Variants in METTL15 observed in about 807,000 individuals in gnomAD.
The protein encoded by METTL15 is methyltransferase 15, mitochondrial 12S rRNA N4-cytidine.
A neutral mutation model predicts 38.3 loss-of-function variants in METTL15; 34 were observed. That is an observed-to-expected ratio of 0.89 (90% CI 0.68 to 1.18). METTL15 has a LOEUF of 1.18. Among genes scored for constraint, METTL15 ranks in the 50% most tolerant of loss-of-function variants. The probability of loss-of-function intolerance (pLI) is 0.00; values close to 1 mark genes in which losing one functional copy is unlikely to be tolerated. For missense variants in METTL15, 438 were observed against 498.4 expected (o/e 0.88, Z 1.15); for synonymous variants, 162 against 170.9 (o/e 0.95, Z 0.41).
At chr11:28,247,817 A>C (rs1047178322) in intron 4 of METTL15, among the ~76,000 whole-genome samples, 16 of 152,090 alleles carry the variant, frequency 1.1e-4, no homozygotes, top group Admixed American at 2.0e-4. Flanking sequence ...TTTATTTTCA[A>C]ATCATTTACT....
chr11:28,258,772 A>G (rs1261390205), intron 4 of METTL15, among the ~76,000 whole-genome samples: 1 of 152,112 alleles, frequency 6.6e-6, no homozygotes, highest in Non-Finnish European at 1.5e-5. Flanking sequence ...CCTTGAGGGC[A>G]GTGGACTCCC....
intron 6 of METTL15, among the ~76,000 whole-genome samples, chr11:28,517,947 T>C (rs1851732853): frequency 6.6e-6 from 1 of 152,220 alleles, no homozygotes; most frequent in East Asian, 1.9e-4. Flanking sequence ...AAACAATCTT[T>C]ACTTAACCCA....
At chr11:28,272,386 C>T (rs1468649010) in intron 4 of METTL15, among the ~76,000 whole-genome samples, 1 of 152,066 alleles carries the variant, frequency 6.6e-6, no homozygotes, top group Non-Finnish European at 1.5e-5. Context: ...TACTATGCAG[C>T]CATAAAAAAG....
chr11:28,279,771 G>C (rs996764723), intron 4 of METTL15, among the ~76,000 whole-genome samples: 2 of 152,060 alleles, frequency 1.3e-5, no homozygotes, highest in Non-Finnish European at 1.5e-5. Flanking sequence ...ATCATGGCTT[G>C]TGCCTGTAAT....
At chr11:28,321,419 A>G (rs1849463752) in intron 6 of METTL15, among the ~76,000 whole-genome samples, 1 of 152,142 alleles carries the variant, frequency 6.6e-6, no homozygotes. Context: ...GAAGTATTAT[A>G]ATTTTTTATG....
intron 5 of METTL15, among the ~76,000 whole-genome samples, chr11:28,377,712 T>A (rs1850333344): frequency 6.6e-6 from 1 of 152,244 alleles, no homozygotes; most frequent in Admixed American, 6.5e-5. Flanking sequence ...GGAGCTGCAT[T>A]CCTTTGGATG....
rs370673236 is a variant in METTL15, at chr11:28,441,612, C to T, written c.*424+17248C>T. 6.6e-5 allele frequency among the ~76,000 whole-genome samples: 10 copies of T among 152,246 alleles called. No individual in the cohort carries two copies. In the South Asian group the frequency reaches 1.5e-3, roughly 22 times the overall value. ...TTCAGTTCTATTCTCAATGTCCTTA[C>T]GACCTCACTTCAATTTCCTGAACGA... is the stretch of plus-strand genomic sequence containing the variant. On this transcript the variant is annotated intron_variant and NMD_transcript_variant, in intron 6 of 7. Transcript: ENST00000532947.
chr11:28,227,888 A>C (rs1024431142), intron 4 of METTL15, among the ~76,000 whole-genome samples: 1 of 151,934 alleles, frequency 6.6e-6, no homozygotes, highest in East Asian at 1.9e-4. Flanking sequence ...TGATCATTCT[A>C]TTAGAAATTC....
At chr11:28,334,541 T>A (rs1218108620), downstream of METTL15, among the ~76,000 whole-genome samples, 1 of 152,062 alleles carries the variant, frequency 6.6e-6, no homozygotes, top group Non-Finnish European at 1.5e-5. Context: ...GAAACTCTGA[T>A]CAAAGATATA....
At chr11:28,361,642 C>T (rs78634419) in intron 4 of METTL15, among the ~76,000 whole-genome samples, 8,316 of 152,072 alleles carry the variant, frequency 0.055, 392 homozygotes, top group African/African-American at 0.13. Context: ...CTTTTAATCA[C>T]ATAATTCTTT....
At chr11:28,469,881 G>A (rs1408287950) in intron 6 of METTL15, among the ~76,000 whole-genome samples, 2 of 152,060 alleles carry the variant, frequency 1.3e-5, no homozygotes, top group Admixed American at 1.3e-4. Flanking sequence ...TGAAAAAAGA[G>A]AAAAGGTCTA....
At chr11:28,108,560 C>CTT (rs906633104) in intron 1 of METTL15, 108 bp downstream of exon 1, 1 of 152,334 alleles carries the variant, frequency 6.6e-6, no homozygotes, top group Non-Finnish European at 1.5e-5. Flanking sequence ...TTTCTTTTCT[C>CTT]TGAGTAGTGA....
intron 4 of METTL15, among the ~76,000 whole-genome samples, chr11:28,221,151 A>C (rs183782426): frequency 5.3e-5 from 8 of 152,262 alleles, no homozygotes; most frequent in Admixed American, 5.2e-4. Flanking sequence ...TATCCTGCAG[A>C]CTGTTTTCCA....
chr11:28,382,797 T>C (rs1216722751), intron 5 of METTL15, among the ~76,000 whole-genome samples: 1 of 151,200 alleles, frequency 6.6e-6, no homozygotes, highest in Non-Finnish European at 1.5e-5. Context: ...ATAGCGCCAC[T>C]GCACTGCAGC....
intron 6 of METTL15, among the ~76,000 whole-genome samples, chr11:28,303,153 C>CGGTT: frequency 6.6e-6 from 1 of 152,188 alleles, no homozygotes; most frequent in East Asian, 1.9e-4. Context: ...TTTCATTCTC[C>CGGTT]GGTTACATCA....
intron 6 of METTL15, among the ~76,000 whole-genome samples, chr11:28,460,815 TAGTTAAGAGGTGCAGC>T (rs1851207645): frequency 6.6e-6 from 1 of 152,050 alleles, no homozygotes; most frequent in Non-Finnish European, 1.5e-5. Context: ...TTAGGTTTCC[TAGTTAAGAGGTGCAGC>T]AGGCTCCTCT....
intron 4 of METTL15, among the ~76,000 whole-genome samples, chr11:28,279,454 A>G (rs1323295674): frequency 1.3e-5 from 2 of 151,994 alleles, no homozygotes; most frequent in Non-Finnish European, 1.5e-5. Flanking sequence ...TTTGTTCTCT[A>G]TTTGTTCAAC....
chr11:28,439,198 A>G (rs750398483), intron 6 of METTL15, among the ~76,000 whole-genome samples: 1 of 152,190 alleles, frequency 6.6e-6, no homozygotes, highest in African/African-American at 2.4e-5. Flanking sequence ...AGAGGGAACA[A>G]TTGAAGTCCT....
intron 5 of METTL15, among the ~76,000 whole-genome samples, chr11:28,368,888 A>T (rs1306465242): frequency 6.6e-6 from 1 of 152,118 alleles, no homozygotes; most frequent in Non-Finnish European, 1.5e-5. Context: ...CATTCTCAGC[A>T]AACTATCACA....
Sources: gnomAD v4.1 joint callset for allele counts (sites outside exome capture counted in the v4.1 genomes callset) on GRCh38, gnomAD v4.1.1 for gene constraint, MANE v1.5 for transcripts, NCBI Gene and HGNC (gene_info 2026-07-23, HGNC 2026-07-21) for gene names.